The following GMDS variants were observed in gnomAD, a reference collection of about 807,000 sequenced individuals.
GMDS encodes the protein GDP-mannose 4,6-dehydratase.
GMDS carries 20 observed loss-of-function variants against 49.9 expected under a neutral mutation model. The observed-to-expected ratio is 0.40, with a 90% CI of 0.28 to 0.58. GMDS has a LOEUF of 0.58. Ranked by LOEUF, GMDS falls within the 20% of genes least tolerant of loss-of-function variation. The probability of loss-of-function intolerance (pLI) is 0.42; values close to 1 mark genes in which losing one functional copy is unlikely to be tolerated. For missense variants in GMDS, 362 were observed against 481.4 expected, an observed-to-expected ratio of 0.75 and a Z score of 2.32; for synonymous variants, 177 against 178.6, an observed-to-expected ratio of 0.99 and a Z score of 0.07.
chr6:1,704,329 T>A (rs562500606), intron 9 of GMDS, among the ~76,000 whole-genome samples: 1 of 150,880 alleles, frequency 6.6e-6, no homozygotes, highest in African/African-American at 2.4e-5. Flanking sequence ...GCCTGAGGAA[T>A]GCACAGGAAA....
chr6:1,981,753 AC>A (rs1765232045), intron 4 of GMDS, among the ~76,000 whole-genome samples: 1 of 152,228 alleles, frequency 6.6e-6, no homozygotes, highest in Non-Finnish European at 1.5e-5. Context: ...TCCTTGATGA[AC>A]ATCAGTGCAA....
chr6:1,821,458 C>T (rs553780301), intron 7 of GMDS, among the ~76,000 whole-genome samples: 3 of 151,994 alleles, frequency 2.0e-5, no homozygotes, highest in South Asian at 4.2e-4. Context: ...GAGGGAAAGA[C>T]GGACAGTTCT....
intron 4 of GMDS, among the ~76,000 whole-genome samples, chr6:2,003,492 C>A (rs551868044): frequency 1.1e-4 from 16 of 152,224 alleles, no homozygotes; most frequent in Admixed American, 5.2e-4. Flanking sequence ...CCCACCCACT[C>A]CCCAAAAGAA....
intron 4 of GMDS, among the ~76,000 whole-genome samples, chr6:1,999,981 T>TATAATA (rs1491406850): frequency 6.3e-5 from 1 of 15,930 alleles, no homozygotes; most frequent in Non-Finnish European, 1.2e-4. Flanking sequence ...TATATATATA[T>TATAATA]TTTATATATA....
At chr6:2,123,138 C>G (rs1775232395) in intron 2 of GMDS, among the ~76,000 whole-genome samples, 1 of 152,202 alleles carries the variant, frequency 6.6e-6, no homozygotes, top group Non-Finnish European at 1.5e-5. Flanking sequence ...TCCAGTAACA[C>G]TAACAGTACC....
At chr6:1,857,531 T>A (rs575437636) in intron 7 of GMDS, among the ~76,000 whole-genome samples, 1 of 152,314 alleles carries the variant, frequency 6.6e-6, no homozygotes, top group Admixed American at 6.5e-5. Flanking sequence ...AGGGACTAAC[T>A]TGGAAAGTGC....
At chr6:1,874,733 T>C (rs564002765) in intron 7 of GMDS, among the ~76,000 whole-genome samples, 2 of 152,310 alleles carry the variant, frequency 1.3e-5, no homozygotes, top group South Asian at 4.1e-4. Flanking sequence ...ATATATGCGC[T>C]GAAGACTCAT....
At chr6:1,662,290 GGAT>G (rs1477815969) in intron 9 of GMDS, among the ~76,000 whole-genome samples, 5 of 152,196 alleles carry the variant, frequency 3.3e-5, no homozygotes, top group Non-Finnish European at 7.3e-5. Context: ...GTCCATGTGT[GGAT>G]GATGACAGTG....
At position 1,777,796 on chromosome 6, in the gene GMDS, A is replaced by T. The variant is rs544635504; in HGVS notation, c.772-35210T>A. ...AAGTACCTTCTCCATTATAAAATGC[A>T]AACTGTTCTCAGCAGACGGCTCACC... On this transcript the variant is annotated intron_variant, in intron 7 of 10. Transcript: ENST00000380815. Among the ~76,000 whole-genome samples, 12 of 152,366 alleles carry T rather than the reference A, an allele frequency of 7.9e-5. No homozygotes were observed. In the South Asian group the frequency reaches 1.4e-3, roughly 18 times the overall value.
Position 1,999,606 on chromosome 6 carries a change from G to C in GMDS, c.346-38640C>G, listed in dbSNP as rs1451824078. Among the ~76,000 whole-genome samples, 5 of 151,248 alleles carry C rather than the reference G, an allele frequency of 3.3e-5. No homozygotes were observed. In the East Asian group the frequency reaches 5.9e-4, roughly 18 times the overall value. ...AACAAAATATAGTTGGACTCAACTG[G>C]AGGTAGAATATAGTTTTAAAAAAAT... On this transcript the variant is annotated intron_variant, in intron 4 of 10. Transcript: ENST00000380815.
At chr6:1,807,816 T>A (rs1458777417) in intron 7 of GMDS, among the ~76,000 whole-genome samples, 1 of 152,064 alleles carries the variant, frequency 6.6e-6, no homozygotes, top group Non-Finnish European at 1.5e-5. Flanking sequence ...ACACAGAATA[T>A]CTTCATAATC....
chr6:2,146,649 T>C (rs1776574939), intron 1 of GMDS, among the ~76,000 whole-genome samples: 1 of 152,228 alleles, frequency 6.6e-6, no homozygotes, highest in South Asian at 2.1e-4. Context: ...GTACTCTGTA[T>C]TCTTGCACAC....
At chr6:2,085,808 T>TGAC (rs1202483208) in intron 4 of GMDS, among the ~76,000 whole-genome samples, 10 of 152,164 alleles carry the variant, frequency 6.6e-5, no homozygotes, top group Non-Finnish European at 1.5e-4. Context: ...ATTACAGGCG[T>TGAC]GAGTCACCAC....
Position 1,985,277 on chromosome 6 carries a change from G to T in GMDS, c.346-24311C>A, listed in dbSNP as rs7776012. On this transcript the variant is annotated intron_variant, in intron 4 of 10. Coordinates refer to ENST00000380815, the MANE Select transcript of GMDS (RefSeq NM_001500.4). The stretch of plus-strand genomic sequence containing the variant: ...TGCCACCAATATAGAACTAGTTCTG[G>T]ACCAGAGCATCCTAGAGGCTGAATG... Among the ~76,000 whole-genome samples, 399 of 152,218 alleles carry T rather than the reference G, an allele frequency of 2.6e-3. 1 individual carries two copies. The highest frequency in any genetic ancestry group is 9.2e-3 in the African/African-American group (384 of 41,532).
chr6:2,158,341 G>A (rs1169856927), intron 1 of GMDS, among the ~76,000 whole-genome samples: 1 of 151,952 alleles, frequency 6.6e-6, no homozygotes, highest in Non-Finnish European at 1.5e-5. Context: ...GCTCTGGGAG[G>A]GATTCCTTAA....
At chr6:1,771,118 C>A (rs1215381862) in intron 7 of GMDS, among the ~76,000 whole-genome samples, 1 of 152,132 alleles carries the variant, frequency 6.6e-6, no homozygotes, top group Non-Finnish European at 1.5e-5. Flanking sequence ...ATAGCCCCTC[C>A]CTGGTGTTAA....
At chr6:1,953,638 GTAGT>G (rs1451683896) in intron 6 of GMDS, among the ~76,000 whole-genome samples, 2 of 152,168 alleles carry the variant, frequency 1.3e-5, no homozygotes, top group Non-Finnish European at 2.9e-5. Context: ...GTGATGAACA[GTAGT>G]TATTCTTCTT....
intron 9 of GMDS, among the ~76,000 whole-genome samples, chr6:1,685,031 T>C (rs1445761627): frequency 6.7e-6 from 1 of 149,998 alleles, no homozygotes; most frequent in Non-Finnish European, 1.5e-5. Flanking sequence ...TTTTTTTAAC[T>C]ACTTACCCAC....
chr6:1,649,184 G>A (rs1763577066), intron 9 of GMDS, among the ~76,000 whole-genome samples: 1 of 152,154 alleles, frequency 6.6e-6, no homozygotes, highest in East Asian at 1.9e-4. Context: ...GTCCTGGTTT[G>A]GAATAATACT....
Sources: allele counts gnomAD v4.1 joint callset (sites outside exome capture counted in the v4.1 genomes callset), GRCh38; gene constraint gnomAD v4.1.1; transcripts MANE v1.5; gene names NCBI Gene and HGNC (gene_info 2026-07-23, HGNC 2026-07-21).